Variants in AUTS2 observed in about 807,000 individuals in gnomAD.
AUTS2 encodes the protein autism susceptibility gene 2 protein.
A neutral mutation model predicts 112.4 loss-of-function variants in AUTS2; 17 were observed. The observed-to-expected ratio is 0.15, with a 90% CI of 0.10 to 0.23. The LOEUF (loss-of-function observed/expected upper bound fraction) is 0.23. AUTS2 is among the 10% of genes least tolerant of loss of function. The pLI is 1.00. For synonymous variants in AUTS2, 751 were observed against 702.7 expected (o/e 1.07, Z -1.09); for missense variants, 1,510 against 1,701.6 (o/e 0.89, Z 1.98).
At chr7:70,582,099 G>A (rs1802475264) in intron 5 of AUTS2, among the ~76,000 whole-genome samples, 1 of 150,416 alleles carries the variant, frequency 6.6e-6, no homozygotes, top group South Asian at 2.1e-4. Flanking sequence ...ACATCTAGTT[G>A]GTAGTAGAGG....
chr7:70,661,378 A>G (rs749987031), intron 5 of AUTS2, among the ~76,000 whole-genome samples: 1 of 152,158 alleles, frequency 6.6e-6, no homozygotes, highest in Non-Finnish European at 1.5e-5. Flanking sequence ...GAGGGTTGAG[A>G]TGCAGGCAGG....
chr7:70,323,108 T>TA (rs1790329989), intron 4 of AUTS2, among the ~76,000 whole-genome samples: 1 of 152,198 alleles, frequency 6.6e-6, no homozygotes, highest in African/African-American at 2.4e-5. Flanking sequence ...AAAGGAAAGT[T>TA]AGGATACTAT....
At chr7:70,337,476 A>C (rs1791046390) in intron 4 of AUTS2, among the ~76,000 whole-genome samples, 1 of 152,186 alleles carries the variant, frequency 6.6e-6, no homozygotes. Context: ...ACGTTCTGGA[A>C]TATTACTTTA....
intron 2 of AUTS2, among the ~76,000 whole-genome samples, chr7:69,936,505 A>T (rs565999015): frequency 1.4e-3 from 218 of 152,116 alleles, no homozygotes; most frequent in Non-Finnish European, 2.4e-3. Context: ...GCCCGCCACC[A>T]CACCCGGCTA....
rs1055837847 is a variant in AUTS2, at chr7:70,631,472, C to T, written c.691-67097C>T. ...ATGGGCCGTTCAGGTTAGGGAGTTC[C>T]GAGACTCTCCATGATTTCTGAACCG... On this transcript the variant is annotated intron_variant, in intron 5 of 18. Coordinates refer to ENST00000342771, the MANE Select transcript of AUTS2 (RefSeq NM_015570.4). The surrounding 1 kb of genome is among the most constrained non-coding windows in gnomAD (Gnocchi z 4.5). 6.6e-6 allele frequency among the ~76,000 whole-genome samples: 1 copy of T among 152,106 alleles called. No homozygotes were observed. Among genetic ancestry groups the T allele is most frequent in the African/African-American group, 2.4e-5 (1 of 41,434 alleles).
intron 5 of AUTS2, among the ~76,000 whole-genome samples, chr7:70,492,414 A>G (rs1190760600): frequency 6.6e-6 from 1 of 152,158 alleles, no homozygotes; most frequent in Non-Finnish European, 1.5e-5. Context: ...AAAGGGAGAA[A>G]GAGATGCCCT....
rs569913731 is a variant in AUTS2, at chr7:69,851,311, T to C, written c.310-47975T>C. Among the ~76,000 whole-genome samples the C allele has an allele frequency of 4.9e-4, 75 of 152,362 alleles. 1 individual carries two copies. The highest frequency in any genetic ancestry group is 1.8e-3 in the African/African-American group (73 of 41,586). ...CTCTTACTGTATTCTTTTTTGTTAATAGTTTCAGGTATTCTAGTTTCTTTC... is the reference window on the plus strand; with the variant it reads ...CTCTTACTGTATTCTTTTTTGTTAACAGTTTCAGGTATTCTAGTTTCTTTC... On this transcript the variant is annotated intron_variant, in intron 1 of 18. Transcript: ENST00000342771.
intron 4 of AUTS2, among the ~76,000 whole-genome samples, chr7:70,137,689 T>C (rs1806643205): frequency 6.6e-6 from 1 of 152,150 alleles, no homozygotes; most frequent in Admixed American, 6.6e-5. Context: ...CTATTAGTGT[T>C]GCAAATATTA....
chr7:70,621,599 A>G (rs1271412890), intron 5 of AUTS2, among the ~76,000 whole-genome samples: 1 of 152,156 alleles, frequency 6.6e-6, no homozygotes, highest in African/African-American at 2.4e-5. Context: ...GTGGGAGGGT[A>G]GGAGGTAAGG....
intron 2 of AUTS2, among the ~76,000 whole-genome samples, chr7:70,059,530 A>C (rs1322012664): frequency 6.6e-6 from 1 of 152,204 alleles, no homozygotes; most frequent in Non-Finnish European, 1.5e-5. Context: ...CAGATTTATC[A>C]ATATTACAGA....
At chr7:69,647,357 CT>C (rs200874078) in intron 1 of AUTS2, among the ~76,000 whole-genome samples, 3,275 of 142,438 alleles carry the variant, frequency 0.023, 86 homozygotes, top group African/African-American at 0.067. Context: ...CTTTCACTAT[CT>C]TTTTTTTTTT....
chr7:70,651,575 A>G (rs1806509286), intron 5 of AUTS2, among the ~76,000 whole-genome samples: 2 of 152,338 alleles, frequency 1.3e-5, no homozygotes, highest in East Asian at 1.9e-4. Context: ...CTGTTTCATA[A>G]TAAAGTGTTG....
intron 5 of AUTS2, among the ~76,000 whole-genome samples, chr7:70,528,709 G>A (rs116478049): frequency 4.8e-4 from 73 of 152,012 alleles, no homozygotes; most frequent in African/African-American, 1.7e-3. Flanking sequence ...CCAGGAGATC[G>A]AGGCTGTAGG....
At chr7:69,642,583 A>G (rs1794842986) in intron 1 of AUTS2, among the ~76,000 whole-genome samples, 1 of 152,196 alleles carries the variant, frequency 6.6e-6, no homozygotes, top group Admixed American at 6.5e-5. Flanking sequence ...GTATTCTGTA[A>G]CTTTGAATAA....
intron 4 of AUTS2, among the ~76,000 whole-genome samples, chr7:70,321,334 A>G (rs1437183241): frequency 2.0e-5 from 3 of 152,202 alleles, no homozygotes; most frequent in Admixed American, 6.5e-5. Flanking sequence ...GCATATTTTC[A>G]TATTAGAATA....
intron 2 of AUTS2, among the ~76,000 whole-genome samples, chr7:70,095,874 A>G (rs574669794): frequency 6.6e-6 from 1 of 152,342 alleles, no homozygotes; most frequent in Non-Finnish European, 1.5e-5. Context: ...TTTGATCCAT[A>G]CAGGAACTAT....
At chr7:70,236,257 T>C (rs1293367109) in intron 4 of AUTS2, among the ~76,000 whole-genome samples, 1 of 152,234 alleles carries the variant, frequency 6.6e-6, no homozygotes, top group African/African-American at 2.4e-5. Context: ...ATGAATTTAA[T>C]TTATAGTTTT....
chr7:70,619,199 T>C (rs1255192856), intron 5 of AUTS2, among the ~76,000 whole-genome samples: 3 of 152,122 alleles, frequency 2.0e-5, no homozygotes, highest in African/African-American at 4.8e-5. Flanking sequence ...TTAGAGCATC[T>C]ATGAAATGGG....
chr7:69,729,582 A>G (rs1326127972), intron 1 of AUTS2, among the ~76,000 whole-genome samples: 1 of 152,112 alleles, frequency 6.6e-6, no homozygotes, highest in Non-Finnish European at 1.5e-5. Context: ...TGGCAGCATA[A>G]TAGTACCTCA....
Sources: gnomAD v4.1 joint callset for allele counts (sites outside exome capture counted in the v4.1 genomes callset) on GRCh38, gnomAD v4.1.1 for gene constraint, Gnocchi (gnomAD v3.1) non-coding constraint, MANE v1.5 for transcripts, NCBI Gene and HGNC (gene_info 2026-07-23, HGNC 2026-07-21) for gene names.